TF: variants seen among roughly 807,000 people sequenced by gnomAD.
TF encodes the protein transferrin, also known as serotransferrin.
TF carries 55 observed loss-of-function variants against 82.4 expected under a neutral mutation model. The observed-to-expected ratio is 0.67, with a 90% CI of 0.54 to 0.84. TF has a LOEUF of 0.84. TF is among the 40% of genes least tolerant of loss of function. The pLI, the probability that TF is intolerant of heterozygous loss-of-function variation, is 0.00. For synonymous variants in TF, 332 were observed against 332.6 expected (o/e 1.00, Z 0.02); for missense variants, 737 against 868.4 (o/e 0.85, Z 1.90).
At chr3:133,754,838 G>A (rs1191290769) in intron 4 of TF, among the ~76,000 whole-genome samples, 167 bp downstream of exon 4, 1 of 152,228 alleles carries the variant, frequency 6.6e-6, no homozygotes, top group Non-Finnish European at 1.5e-5. Context: ...GCAGCACTTG[G>A]GAGGTGGAGC....
intron 16 of TF, chr3:133,778,347 G>C (rs896786187): frequency 4.7e-6 from 2 of 423,980 alleles, no homozygotes; most frequent in African/African-American, 4.1e-5. Context: ...AAACAAGGTG[G>C]AGGACCCTGT....
chr3:133,710,891 C>T, the TF span, among the ~76,000 whole-genome samples: 1 of 152,188 alleles, frequency 6.6e-6, no homozygotes, highest in African/African-American at 2.4e-5. Flanking sequence ...CCCTTCCACT[C>T]ACTCTTCAAC....
chr3:133,691,463 C>A, the TF span, among the ~76,000 whole-genome samples: 1 of 152,120 alleles, frequency 6.6e-6, no homozygotes, highest in South Asian at 2.1e-4. Flanking sequence ...GGAGGACAAA[C>A]AATAAACAGA....
chr3:133,751,229 CTTTTT>C (rs59638732), intron 2 of TF, among the ~76,000 whole-genome samples: 1 of 96,014 alleles, frequency 1.0e-5, no homozygotes. Flanking sequence ...TAAGATTCCA[CTTTTT>C]TTTTTTTTTT....
chr3:133,780,372 T>G lies in TF; in HGVS notation c.*1752T>G, dbSNP rs905128367. ...CTAATTTTATTACACTACAGGTATA[T>G]TCCTGGAAGTCTTAGACAACTGGGC... is the stretch of plus-strand genomic sequence containing the variant. On this transcript the variant is annotated 3_prime_UTR_variant, in exon 17 of 17. Transcript: ENST00000402696. 4 of 152,230 alleles carry G rather than the reference T, an allele frequency of 2.6e-5. No individual in the cohort carries two copies. The highest frequency in any genetic ancestry group is 9.6e-5 in the African/African-American group (4 of 41,464). The allele number at this position is 152,230 out of a possible 1,614,324, so 9.4% of individuals were successfully genotyped here.
the TF span, among the ~76,000 whole-genome samples, chr3:133,686,013 G>A: frequency 6.6e-6 from 1 of 152,156 alleles, no homozygotes; most frequent in East Asian, 1.9e-4. Flanking sequence ...TAGACCAATG[G>A]AAGAGAACAG....
chr3:133,685,980 G>T, the TF span, among the ~76,000 whole-genome samples: 4,568 of 152,194 alleles, frequency 0.03, 119 homozygotes, highest in African/African-American at 0.073. Context: ...AAACAGCATG[G>T]TACTGGTACC....
chr3:133,772,274 G>C (rs564637327), intron 14 of TF, among the ~76,000 whole-genome samples: 2 of 152,094 alleles, frequency 1.3e-5, no homozygotes, highest in African/African-American at 2.4e-5. Flanking sequence ...TCCTTTAAGA[G>C]AGTGTTACCC....
At chr3:133,776,501 CA>C (rs1352649878) in intron 15 of TF, among the ~76,000 whole-genome samples, 5 of 152,188 alleles carry the variant, frequency 3.3e-5, no homozygotes, top group Non-Finnish European at 2.9e-5. Context: ...AAGCATTTAA[CA>C]TACATTTCCT....
intron 10 of TF, 76 bp downstream of exon 10, chr3:133,764,351 T>G: frequency 8.2e-7 from 1 of 1,223,970 alleles, no homozygotes; most frequent in Non-Finnish European, 1.2e-6. Flanking sequence ...AATCACAGTC[T>G]GATTCATACC....
the TF span, among the ~76,000 whole-genome samples, chr3:133,713,656 C>T: frequency 2.2e-4 from 33 of 152,284 alleles, no homozygotes; most frequent in South Asian, 5.6e-3. Context: ...CCTGGCCTTG[C>T]GTGCATGTGG....
rs1421609037 is a variant in TF at position 133,746,404 on chromosome 3, T to A, written c.-37T>A. On this transcript the variant is annotated 5_prime_UTR_variant, in exon 1 of 17. Transcript: ENST00000402696. ...GCGCCGGAGGCTGCACAGAAGCGAG[T>A]CCGACTGTGCTCGCTGCTCAGCGCC... 6.3e-7 allele frequency: 1 copy of A among 1,583,314 alleles called. No homozygotes were observed. Among genetic ancestry groups the A allele is most frequent in the South Asian group, 1.2e-5 (1 of 86,956 alleles).
In TF at chr3:133,746,475, C is replaced by A. The variant is rs773058415; in HGVS notation, c.35C>A (p.Ala12Asp). Residue 12 changes from alanine to aspartate, a missense_variant, in exon 1 of 17, where the codon GCC becomes GAC. Transcript: ENST00000402696. Reference protein sequence around the residue: ...RLAVGALLVCAVLGLCLAVPD... With the variant: ...RLAVGALLVCDVLGLCLAVPD... The stretch of plus-strand genomic sequence containing the variant: ...GCCGTGGGAGCCCTGCTGGTCTGCG[C>A]CGTCCTGGGTGAGTGCGGGCACGGG... 2 of 1,599,104 alleles carry A rather than the reference C, an allele frequency of 1.3e-6. No homozygotes were observed. Among genetic ancestry groups the A allele is most frequent in the Non-Finnish European group, 1.7e-6 (2 of 1,177,018 alleles).
rs1934975778 is a variant in TF at position 133,796,490 on chromosome 3, G to A, written c.*17870G>A. On this transcript the variant is annotated 3_prime_UTR_variant, in exon 17 of 17. Coordinates refer to ENST00000402696, the MANE Select transcript of TF (RefSeq NM_001063.4). ...GGGAAATGTCTTCTGTATTTACATA[G>A]GGCATACACTGAGTAACCAATGGAA... The A allele has an allele frequency of 6.6e-6, 1 of 152,168 alleles. No individual in the cohort carries two copies. Among genetic ancestry groups the A allele is most frequent in the Admixed American group, 6.5e-5 (1 of 15,280 alleles). 9.4% of individuals were successfully genotyped at this position (152,168 alleles called of 1,614,324 possible). A position where few individuals can be genotyped will look rare whatever the true frequency, so the allele number is the denominator to read the frequency against.
At chr3:133,754,007 G>T (rs558664570) in intron 3 of TF, 5 of 510,654 alleles carry the variant, frequency 9.8e-6, no homozygotes, top group African/African-American at 5.8e-5. Flanking sequence ...GATATGTCTA[G>T]GGTCCCTGGA....
the TF span, among the ~76,000 whole-genome samples, chr3:133,715,257 C>T: frequency 6.6e-6 from 1 of 152,204 alleles, no homozygotes; most frequent in Non-Finnish European, 1.5e-5. Flanking sequence ...CTTCCCCCAC[C>T]TTTCATACCT....
At position 133,755,412 on chromosome 3, in the gene TF, G is replaced by T; in HGVS notation, c.552G>T (p.Thr184=). Residue 184 remains threonine, a synonymous_variant, in exon 5 of 17, where the codon ACG becomes ACT. Coordinates refer to ENST00000402696, the MANE Select transcript of TF (RefSeq NM_001063.4). ...SGSCAPCADG[T]DFPQLCQLCP... The stretch of plus-strand genomic sequence containing the variant: ...GCTGTGCCCCTTGTGCGGATGGGAC[G>T]GACTTCCCCCAGCTGTGTCAACTGT... The T allele has an allele frequency of 6.2e-7, 1 of 1,614,186 alleles. No homozygotes were observed.
At chr3:133,690,250 T>C in the TF span, among the ~76,000 whole-genome samples, 1 of 152,076 alleles carries the variant, frequency 6.6e-6, no homozygotes, top group Non-Finnish European at 1.5e-5. Flanking sequence ...TATAAAGTTG[T>C]CATTTAAACT....
intron 4 of TF, 103 bp downstream of exon 4, chr3:133,754,774 C>T: frequency 7.7e-7 from 1 of 1,297,044 alleles, no homozygotes; most frequent in Non-Finnish European, 1.1e-6. Flanking sequence ...GTGGGATGAA[C>T]TCAGGTGGGG....
Sources: gnomAD v4.1 joint callset for allele counts (sites outside exome capture counted in the v4.1 genomes callset) on GRCh38, gnomAD v4.1.1 for gene constraint, MANE v1.5 for transcripts, NCBI Gene and HGNC (gene_info 2026-07-23, HGNC 2026-07-21) for gene names.